ZNF787: variants seen among roughly 807,000 people sequenced by gnomAD.
The protein encoded by ZNF787 is zinc finger protein 787, also known as TTF-I-interacting peptide 20.
Under a neutral mutation model 16.9 loss-of-function variants are expected in ZNF787, and 7 were observed. The ratio of observed to expected loss-of-function variants is 0.42; its 90% CI spans 0.24 to 0.78. The LOEUF is 0.78. Ranked by LOEUF, ZNF787 falls within the 30% of genes least tolerant of loss-of-function variation. The pLI, the probability that ZNF787 is intolerant of heterozygous loss-of-function variation, is 0.30. For missense variants in ZNF787, 551 were observed against 589.3 expected, an observed-to-expected ratio of 0.94 and a Z score of 0.67; for synonymous variants, 345 against 270.9, an observed-to-expected ratio of 1.27 and a Z score of -2.69.
Position 56,103,207 on chromosome 19 carries a change from C to A in ZNF787, c.11G>T (p.Arg4Leu). Reference protein sequence around the residue: MELREEAWSPGPLD... With the variant: MELLEEAWSPGPLD... ...CGGCCCCGGAGACCAGGCTTCTTCC[C>A]GCAGCTCCATGTCTGGGTCCCTGTT... is the stretch of plus-strand genomic sequence containing the variant. The change falls in exon 2 of 3, where the codon CGG (arginine) becomes CTG (leucine). Residue 4 changes from arginine (R) to leucine (L), a missense_variant. Arg to Leu is a moderately radical substitution (Grantham distance 102). This residue lies in a region of ZNF787 where 80 missense variants were observed against 105.9 expected (regional missense o/e 0.76). Coordinates refer to ENST00000610935, the MANE Select transcript of ZNF787 (RefSeq NM_001002836.4). 3 of 1,559,376 alleles carry A rather than the reference C, an allele frequency of 1.9e-6. No homozygotes were observed. The highest frequency in any genetic ancestry group is 1.7e-6 in the Non-Finnish European group (2 of 1,152,200).
At chr19:56,103,069 C>A in intron 2 of ZNF787, 70 bp downstream of exon 2, 1 of 1,558,920 alleles carries the variant, frequency 6.4e-7, no homozygotes. Flanking sequence ...TTCCTCCCAC[C>A]CAGAGGCAAA....
At chr19:56,115,417 GGCGCGATCTCGGCTCACT>G (rs1826466877) in intron 1 of ZNF787, among the ~76,000 whole-genome samples, 2 of 144,682 alleles carry the variant, frequency 1.4e-5, no homozygotes. Context: ...GGAGTGCAGT[GGCGCGATCTCGGCTCACT>G]GCAAGCTCCG....
intron 2 of ZNF787, among the ~76,000 whole-genome samples, chr19:56,097,110 G>A (rs1447233838): frequency 2.6e-5 from 4 of 152,174 alleles, no homozygotes; most frequent in Non-Finnish European, 5.9e-5. Context: ...CCAGCCCCCA[G>A]CTCCACGGCC....
chr19:56,117,057 GC>G (rs2030157197), intron 1 of ZNF787, among the ~76,000 whole-genome samples: 3 of 152,126 alleles, frequency 2.0e-5, no homozygotes, highest in Admixed American at 2.0e-4. Context: ...GTGGGATCTG[GC>G]CCCCCAGGAA....
chr19:56,097,538 G>A (rs1985917137), intron 2 of ZNF787, among the ~76,000 whole-genome samples: 1 of 152,240 alleles, frequency 6.6e-6, no homozygotes, highest in South Asian at 2.1e-4. Flanking sequence ...CGTGGACGGC[G>A]GCCAGCATGT....
At chr19:56,106,179 G>A (rs568556910) in intron 1 of ZNF787, among the ~76,000 whole-genome samples, 31 of 152,326 alleles carry the variant, frequency 2.0e-4, no homozygotes, top group Admixed American at 6.5e-4. Context: ...TGGACTTGCT[G>A]CCGTGTGCTC....
chr19:56,120,759 C>A (rs1367411590), intron 1 of ZNF787, among the ~76,000 whole-genome samples: 1 of 151,262 alleles, frequency 6.6e-6, no homozygotes, highest in Non-Finnish European at 1.5e-5. Flanking sequence ...GCCACCACTT[C>A]CGGCCACGAC....
intron 2 of ZNF787, among the ~76,000 whole-genome samples, chr19:56,096,742 C>A (rs900808717): frequency 6.6e-6 from 1 of 151,022 alleles, no homozygotes; most frequent in Non-Finnish European, 1.5e-5. Context: ...AAAAATAAAA[C>A]AAAATAAAAT....
chr19:56,092,829 A>C (rs1354654026), intron 2 of ZNF787, among the ~76,000 whole-genome samples: 1 of 150,324 alleles, frequency 6.7e-6, no homozygotes, highest in Non-Finnish European at 1.5e-5. Flanking sequence ...GAAGTGGAAT[A>C]TCCATAGACA....
chr19:56,091,130 TAAAAAC>T (rs1244357581), intron 2 of ZNF787, among the ~76,000 whole-genome samples: 1 of 152,088 alleles, frequency 6.6e-6, no homozygotes, highest in Non-Finnish European at 1.5e-5. Flanking sequence ...TAGAGAGAAT[TAAAAAC>T]AAACATCAGA....
chr19:56,100,767 C>T (rs1986062267), intron 2 of ZNF787, among the ~76,000 whole-genome samples: 1 of 148,368 alleles, frequency 6.7e-6, no homozygotes. Context: ...CTGTCACTGT[C>T]ACACAGGAGG....
chr19:56,096,487 G>A (rs910154649), intron 2 of ZNF787, among the ~76,000 whole-genome samples: 1 of 151,802 alleles, frequency 6.6e-6, no homozygotes, highest in Non-Finnish European at 1.5e-5. Flanking sequence ...GGCCGAGGCG[G>A]GTGGATCACG....
chr19:56,115,451 C>T (rs1447881244), intron 1 of ZNF787, among the ~76,000 whole-genome samples: 2 of 151,272 alleles, frequency 1.3e-5, no homozygotes, highest in South Asian at 2.1e-4. Flanking sequence ...CTCCGCCTCC[C>T]GGGTTCACGC....
chr19:56,089,783 C>G (rs542328100), intron 2 of ZNF787, among the ~76,000 whole-genome samples: 2 of 152,338 alleles, frequency 1.3e-5, no homozygotes, highest in South Asian at 4.1e-4. Flanking sequence ...TTCGGGCACA[C>G]AGGGCTTTGC....
At chr19:56,103,973 ACGCACGACACCGCCGACCCG>A (rs1986208852) in intron 1 of ZNF787, among the ~76,000 whole-genome samples, 2 of 3,564 alleles carry the variant, frequency 5.6e-4, no homozygotes, top group South Asian at 0.019. Context: ...GAGGGTCCCT[ACGCACGACACCGCCGACCCG>A]TGCCACGCAC....
At chr19:56,090,007 AAGTG>A (rs1259712667) in intron 2 of ZNF787, among the ~76,000 whole-genome samples, 1 of 152,140 alleles carries the variant, frequency 6.6e-6, no homozygotes, top group Non-Finnish European at 1.5e-5. Flanking sequence ...GGGCCTCAGC[AAGTG>A]CATCTCTGAC....
At chr19:56,098,508 G>A (rs936933479) in intron 2 of ZNF787, among the ~76,000 whole-genome samples, 5 of 150,092 alleles carry the variant, frequency 3.3e-5, no homozygotes, top group Non-Finnish European at 1.5e-5. Flanking sequence ...ACGGCCGCAG[G>A]GTGATACAGC....
chr19:56,115,869 T>C (rs186278601), intron 1 of ZNF787, among the ~76,000 whole-genome samples: 1 of 152,326 alleles, frequency 6.6e-6, no homozygotes, highest in Non-Finnish European at 1.5e-5. Context: ...CAGATCCTTA[T>C]GCGAAGGCTT....
At chr19:56,103,733 C>G (rs556930397) in intron 1 of ZNF787, among the ~76,000 whole-genome samples, 47 of 152,222 alleles carry the variant, frequency 3.1e-4, no homozygotes, top group African/African-American at 1.1e-3. Context: ...CACTCCCAAC[C>G]CGTGCCACAC....
Sources: gnomAD v4.1 joint callset for allele counts (sites outside exome capture counted in the v4.1 genomes callset) on GRCh38, gnomAD v4.1.1 for gene constraint, gnomAD v4.1.1 regional missense constraint, MANE v1.5 for transcripts, NCBI Gene and HGNC (gene_info 2026-07-23, HGNC 2026-07-21) for gene names.